The following PRAC2 variants were observed in gnomAD, a reference collection of about 807,000 sequenced individuals.
PRAC2 encodes protein PRAC2.
For synonymous variants in PRAC2, 43 were observed against 49.5 expected (o/e 0.87, Z 0.55); for missense variants, 92 against 114.5 (o/e 0.80, Z 0.90).
At chr17:48,722,554 G>C, upstream of PRAC2, 1 of 642,674 alleles carries the variant, frequency 1.6e-6, no homozygotes, top group Non-Finnish European at 2.8e-6. Context: ...TCTCCCTGTA[G>C]AGTCTGGGGC....
chr17:48,721,943 G>A (rs751975683), upstream of PRAC2: 1 of 1,465,730 alleles, frequency 6.8e-7, no homozygotes. Context: ...TAATAATAAC[G>A]TTATCAATAT....
upstream of PRAC2, chr17:48,722,413 T>G (rs117391237): frequency 0.014 from 23,117 of 1,612,074 alleles, 204 homozygotes; most frequent in Non-Finnish European, 0.018. Context: ...TCTGCAAAGG[T>G]GGGGACCAGA....
upstream of PRAC2, among the ~76,000 whole-genome samples, chr17:48,719,455 G>T (rs2038124910): frequency 6.6e-6 from 1 of 152,146 alleles, no homozygotes; most frequent in Admixed American, 6.5e-5. Context: ...CTCGGCAGCC[G>T]CCCTGGTAGC....
chr17:48,722,834 G>A (rs1245053084), upstream of PRAC2, among the ~76,000 whole-genome samples: 1 of 151,624 alleles, frequency 6.6e-6, no homozygotes, highest in Admixed American at 6.6e-5. Context: ...GAGACCACCA[G>A]CCTGGAACTT....
chr17:48,722,571 CAGTA>C, upstream of PRAC2: 1 of 597,752 alleles, frequency 1.7e-6, no homozygotes, highest in Non-Finnish European at 3.0e-6. Flanking sequence ...GGGCGGGGCT[CAGTA>C]AGAAGGCCTG....
upstream of PRAC2, among the ~76,000 whole-genome samples, chr17:48,719,555 C>T (rs1447354308): frequency 6.6e-6 from 1 of 152,220 alleles, no homozygotes; most frequent in African/African-American, 2.4e-5. Flanking sequence ...GCGACGGCCT[C>T]GTTACGACCG....
chr17:48,722,827 A>T (rs1392420931), upstream of PRAC2, among the ~76,000 whole-genome samples: 1 of 151,224 alleles, frequency 6.6e-6, no homozygotes, highest in East Asian at 2.0e-4. Context: ...GGCGGTGGAG[A>T]CCACCAGCCT....
upstream of PRAC2, among the ~76,000 whole-genome samples, chr17:48,721,496 T>C (rs748618210): frequency 2.6e-5 from 4 of 152,096 alleles, no homozygotes; most frequent in Non-Finnish European, 4.4e-5. Flanking sequence ...CAGCTAATTG[T>C]TGTATTTTTA....
chr17:48,719,129 A>G (rs556849773), upstream of PRAC2, among the ~76,000 whole-genome samples: 1 of 152,228 alleles, frequency 6.6e-6, no homozygotes, highest in South Asian at 2.1e-4. Context: ...CGAGCCAGGG[A>G]GAGACCCGGA....
upstream of PRAC2, chr17:48,721,706 A>G: frequency 8.3e-7 from 1 of 1,198,662 alleles, no homozygotes; most frequent in African/African-American, 1.6e-5. Flanking sequence ...AATCACAGTT[A>G]ACTTTCACCC....
upstream of PRAC2, chr17:48,721,783 G>A: frequency 6.6e-7 from 1 of 1,520,562 alleles, no homozygotes; most frequent in Non-Finnish European, 8.8e-7. Flanking sequence ...TGCCCAGGCT[G>A]GTCTGGAACT....
chr17:48,720,503 C>A (rs1289360020), upstream of PRAC2, among the ~76,000 whole-genome samples: 1 of 152,188 alleles, frequency 6.6e-6, no homozygotes, highest in East Asian at 1.9e-4. Context: ...CCGTCCTGTT[C>A]CCCATTTGTT....
chr17:48,723,132 G>A (rs990530286), upstream of PRAC2: 1 of 152,368 alleles, frequency 6.6e-6, no homozygotes, highest in African/African-American at 2.4e-5. Flanking sequence ...GCCAGTGCCT[G>A]GGGGGAGGGG....
chr17:48,724,315 A>AT lies in PRAC2; in HGVS notation c.-83-7dup. ...CGTTTAATACAAAACGAAATTAAAT[A>AT]TTTTTTGCACAGGTTCCATACAAGT... is the stretch of plus-strand genomic sequence containing the variant. On this transcript the variant is annotated splice_polypyrimidine_tract_variant and intron_variant, in intron 1 of 1. Coordinates refer to ENST00000422730, the MANE Select transcript of PRAC2 (RefSeq NM_001282275.2). The AT allele has an allele frequency of 2.5e-6, 3 of 1,222,874 alleles. No individual in the cohort carries two copies. Among genetic ancestry groups the AT allele is most frequent in the Non-Finnish European group, 3.1e-6 (3 of 977,950 alleles). 75.8% of individuals were successfully genotyped at this position (1,222,874 alleles called of 1,614,324 possible).
chr17:48,720,526 A>T (rs1488058505), upstream of PRAC2, among the ~76,000 whole-genome samples: 2 of 151,982 alleles, frequency 1.3e-5, no homozygotes, highest in African/African-American at 4.8e-5. Flanking sequence ...GATTGTAGTC[A>T]TTTGGTCATG....
In PRAC2 at chr17:48,724,490, CG is replaced by C. The variant is rs1487470933; in HGVS notation, c.81del (p.Asn28ThrfsTer48). 8 of 1,234,118 alleles carry C rather than the reference CG, an allele frequency of 6.5e-6. No individual in the cohort carries two copies. The East Asian group carries it at 2.5e-4, about 39-fold the overall frequency. 76.4% of individuals were successfully genotyped at this position (1,234,118 alleles called of 1,614,324 possible). ...TTCTTCCATTCGAGATGGCTCGTAC[CG>C]AACCTCCTTGCCTTCTTCCTGGGTC... is the stretch of plus-strand genomic sequence containing the variant. ...AFFFHSRWLV[P>X]NLLAFFLGLS... On this transcript the variant is annotated frameshift_variant, in exon 2 of 2. Transcript: ENST00000422730. LOFTEE classifies it low-confidence loss of function (END_TRUNC).
chr17:48,719,945 T>G (rs1393781722), upstream of PRAC2, among the ~76,000 whole-genome samples: 5 of 152,062 alleles, frequency 3.3e-5, no homozygotes, highest in Non-Finnish European at 5.9e-5. Flanking sequence ...GGTGAAGGAA[T>G]GTTTATAGCC....
At chr17:48,720,048 C>G (rs552959197), upstream of PRAC2, among the ~76,000 whole-genome samples, 474 of 152,270 alleles carry the variant, frequency 3.1e-3, 3 homozygotes, top group African/African-American at 0.011. Flanking sequence ...AGGTCTCGGG[C>G]GGGGGCGACG....
upstream of PRAC2, chr17:48,721,760 C>G (rs953755439): frequency 5.5e-6 from 8 of 1,455,240 alleles, no homozygotes; most frequent in Non-Finnish European, 7.3e-6. Context: ...ATAGAGACAG[C>G]GTCTTGCTAC....
Sources: gnomAD v4.1 joint callset for allele counts (sites outside exome capture counted in the v4.1 genomes callset) on GRCh38, gnomAD v4.1.1 for gene constraint, MANE v1.5 for transcripts, NCBI Gene and HGNC (gene_info 2026-07-23, HGNC 2026-07-21) for gene names.